PPHLN1: variants seen among roughly 807,000 people sequenced by gnomAD.
The protein encoded by PPHLN1 is periphilin-1.
In PPHLN1, 29 loss-of-function variants were observed where a neutral mutation model predicts 51.3. The observed-to-expected ratio is 0.57, with a 90% CI of 0.42 to 0.77. PPHLN1 has a LOEUF of 0.77. Among genes scored for constraint, PPHLN1 ranks in the 30% least tolerant of loss-of-function variants. PPHLN1 has a pLI of 0.00. For missense variants in PPHLN1, 436 were observed against 438.4 expected, an observed-to-expected ratio of 0.99 and a Z score of 0.05; for synonymous variants, 147 against 147.8, an observed-to-expected ratio of 0.99 and a Z score of 0.04.
At chr12:42,422,221 T>C (rs533611330) in intron 9 of PPHLN1, among the ~76,000 whole-genome samples, 173 of 152,334 alleles carry the variant, frequency 1.1e-3, no homozygotes, top group Middle Eastern at 6.8e-3. Context: ...TTCTGGACTT[T>C]TAAATACTAC....
intron 3 of PPHLN1, among the ~76,000 whole-genome samples, chr12:42,354,721 A>G (rs1271740705): frequency 1.3e-5 from 2 of 152,206 alleles, no homozygotes; most frequent in Non-Finnish European, 2.9e-5. Context: ...TTTAATTGAA[A>G]ATAAGGTGAG....
chr12:42,346,306 T>C (rs545484740), intron 2 of PPHLN1, among the ~76,000 whole-genome samples: 3 of 152,222 alleles, frequency 2.0e-5, no homozygotes, highest in African/African-American at 7.2e-5. Flanking sequence ...TTTTTTTAAA[T>C]TCCACATATA....
chr12:42,347,119 C>T (rs968713900), intron 2 of PPHLN1: 2 of 152,060 alleles, frequency 1.3e-5, no homozygotes, highest in African/African-American at 4.8e-5. Flanking sequence ...TGGCATGAAC[C>T]AGGCCAGAAT....
intron 2 of PPHLN1, among the ~76,000 whole-genome samples, chr12:42,343,647 G>T (rs1287853969): frequency 1.3e-5 from 2 of 152,010 alleles, no homozygotes; most frequent in African/African-American, 4.8e-5. Context: ...GTGTTTCTTT[G>T]CTGAGTTTGA....
rs142935217 is a variant in PPHLN1, at chr12:42,435,457, T to C, written c.910-5858T>C. Reference sequence around the variant, plus strand: ...AGCTTTGAGGAGGACTCAAAAGATATCTTTTTCTATTAATACAGCACAAGC... The same window carrying C: ...AGCTTTGAGGAGGACTCAAAAGATACCTTTTTCTATTAATACAGCACAAGC... On this transcript the variant is annotated intron_variant, in intron 9 of 9. Coordinates refer to ENST00000358314, the MANE Select transcript of PPHLN1 (RefSeq NM_201439.2). 2.8e-3 allele frequency among the ~76,000 whole-genome samples: 420 copies of C among 152,314 alleles called. 1 individual carries two copies. Among genetic ancestry groups the C allele is most frequent in the African/African-American group, 9.5e-3 (394 of 41,576 alleles).
chr12:42,389,529 C>T (rs558715015), intron 7 of PPHLN1, among the ~76,000 whole-genome samples: 1 of 152,278 alleles, frequency 6.6e-6, no homozygotes, highest in African/African-American at 2.4e-5. Context: ...CACTGCACTC[C>T]AGCCTGGGCG....
At chr12:42,394,419 G>A (rs56655832) in intron 8 of PPHLN1, among the ~76,000 whole-genome samples, 4,329 of 152,100 alleles carry the variant, frequency 0.028, 224 homozygotes, top group African/African-American at 0.099. Context: ...GGAGCATTCT[G>A]GCTTTTTGAT....
intron 9 of PPHLN1, among the ~76,000 whole-genome samples, chr12:42,428,167 T>C (rs1391391781): frequency 6.6e-6 from 1 of 152,130 alleles, no homozygotes; most frequent in Non-Finnish European, 1.5e-5. Flanking sequence ...GGTGGGAATG[T>C]AAACTAGTAC....
chr12:42,440,151 C>A (rs2082822717), intron 9 of PPHLN1, among the ~76,000 whole-genome samples: 1 of 148,972 alleles, frequency 6.7e-6, no homozygotes, highest in South Asian at 2.1e-4. Flanking sequence ...TTATTTATAT[C>A]TTCTTTCATT....
chr12:42,374,828 A>G (rs1342350664), intron 4 of PPHLN1, 35 bp from the exon 5 acceptor site: 5 of 1,495,738 alleles, frequency 3.3e-6, no homozygotes, highest in Non-Finnish European at 4.6e-6. Flanking sequence ...GATAGAGTAT[A>G]ATTAACTTAT....
chr12:42,380,058 A>G (rs1231277354), intron 5 of PPHLN1, among the ~76,000 whole-genome samples: 1 of 152,054 alleles, frequency 6.6e-6, no homozygotes, highest in Non-Finnish European at 1.5e-5. Context: ...GTGTTTCTTG[A>G]AACTCTTAAG....
chr12:42,427,968 A>G (rs936602114), intron 9 of PPHLN1, among the ~76,000 whole-genome samples: 4 of 152,232 alleles, frequency 2.6e-5, no homozygotes, highest in Non-Finnish European at 5.9e-5. Context: ...ACAATTCTAA[A>G]AAGAAGACAT....
chr12:42,434,757 G>A (rs763936967), intron 9 of PPHLN1, among the ~76,000 whole-genome samples: 2 of 152,158 alleles, frequency 1.3e-5, no homozygotes, highest in African/African-American at 2.4e-5. Flanking sequence ...GCAACGGCGC[G>A]ATCTCAGCTC....
downstream of PPHLN1, chr12:42,445,971 A>G (rs1014952965): frequency 1.3e-6 from 2 of 1,498,906 alleles, no homozygotes; most frequent in African/African-American, 2.8e-5. Flanking sequence ...ACATCCCCTC[A>G]GGCCCTCTTT....
At chr12:42,373,993 A>G (rs962515828) in intron 4 of PPHLN1, among the ~76,000 whole-genome samples, 10 of 152,146 alleles carry the variant, frequency 6.6e-5, no homozygotes, top group Admixed American at 3.9e-4. Flanking sequence ...GGAAATTAGC[A>G]GCATTCCTGG....
chr12:42,377,040 G>A (rs1352020656), intron 5 of PPHLN1, among the ~76,000 whole-genome samples: 1 of 152,052 alleles, frequency 6.6e-6, no homozygotes, highest in Non-Finnish European at 1.5e-5. Context: ...TGCAGCCCAG[G>A]ATGGGTTTGG....
chr12:42,336,468 A>G (rs2070685606), intron 2 of PPHLN1, among the ~76,000 whole-genome samples: 2 of 152,184 alleles, frequency 1.3e-5, no homozygotes, highest in Non-Finnish European at 2.9e-5. Flanking sequence ...TCCTGTGGTC[A>G]GGCAGTCTGA....
chr12:42,413,413 A>G (rs2600913), intron 9 of PPHLN1, among the ~76,000 whole-genome samples: 1 of 151,854 alleles, frequency 6.6e-6, no homozygotes, highest in Non-Finnish European at 1.5e-5. Context: ...TTGTTGAAGA[A>G]CAGTTAATTG....
At chr12:42,438,045 G>A (rs138195712) in intron 9 of PPHLN1, among the ~76,000 whole-genome samples, 2 of 152,244 alleles carry the variant, frequency 1.3e-5, no homozygotes, top group Non-Finnish European at 2.9e-5. Flanking sequence ...CATTGTATGA[G>A]TATACTGCAG....
Sources: allele counts gnomAD v4.1 joint callset (sites outside exome capture counted in the v4.1 genomes callset), GRCh38; gene constraint gnomAD v4.1.1; transcripts MANE v1.5; gene names NCBI Gene and HGNC (gene_info 2026-07-23, HGNC 2026-07-21).